The following WASL variants were observed in gnomAD, a reference collection of about 807,000 sequenced individuals.
WASL encodes actin nucleation-promoting factor WASL.
WASL carries 20 observed loss-of-function variants against 55.5 expected under a neutral mutation model. That is an observed-to-expected ratio of 0.36 (90% CI 0.25 to 0.52). The LOEUF (loss-of-function observed/expected upper bound fraction) is 0.52, where lower values mean the gene tolerates loss of function less well. WASL is among the 20% of genes least tolerant of loss of function. WASL has a pLI of 0.92. For synonymous variants in WASL, 249 were observed against 217.6 expected (o/e 1.14, Z -1.27); for missense variants, 504 against 622.5 (o/e 0.81, Z 2.03).
chr7:123,725,082 A>T (rs1254857924), intron 1 of WASL, among the ~76,000 whole-genome samples: 1 of 152,230 alleles, frequency 6.6e-6, no homozygotes, highest in Non-Finnish European at 1.5e-5. Flanking sequence ...ATTTTTAAAA[A>T]GAATGTACTT....
At chr7:123,725,067 C>T (rs1039842511) in intron 1 of WASL, among the ~76,000 whole-genome samples, 1 of 152,156 alleles carries the variant, frequency 6.6e-6, no homozygotes, top group Non-Finnish European at 1.5e-5. Context: ...CTAAAGTCAA[C>T]GTACATTTTT....
At chr7:123,687,246 T>C (rs757810024) in intron 10 of WASL, among the ~76,000 whole-genome samples, 4 of 152,118 alleles carry the variant, frequency 2.6e-5, no homozygotes, top group Non-Finnish European at 5.9e-5. Flanking sequence ...CAAGCCTCCA[T>C]CACCTCTTGC....
At chr7:123,696,806 C>A in intron 5 of WASL, 59 bp from the exon 6 acceptor site, 1 of 1,138,712 alleles carries the variant, frequency 8.8e-7, no homozygotes, top group Non-Finnish European at 1.2e-6. Flanking sequence ...GATATACAAT[C>A]ATAATTTACA....
At chr7:123,686,650 G>A (rs1286909639) in intron 10 of WASL, among the ~76,000 whole-genome samples, 1 of 151,956 alleles carries the variant, frequency 6.6e-6, no homozygotes, top group African/African-American at 2.4e-5. Flanking sequence ...TGCTTTTTCA[G>A]AATCATGTAG....
chr7:123,694,301 G>A (rs1350216709), intron 8 of WASL, among the ~76,000 whole-genome samples: 2 of 152,046 alleles, frequency 1.3e-5, no homozygotes, highest in African/African-American at 2.4e-5. Flanking sequence ...CAAGAAAAAG[G>A]ATTTGTATTT....
chr7:123,736,801 A>T (rs2896335), intron 1 of WASL, among the ~76,000 whole-genome samples: 113,872 of 152,166 alleles, frequency 0.75, 42,926 homozygotes, highest in South Asian at 0.83. Context: ...TCAATCTTCC[A>T]AAATTAATCT....
chr7:123,735,196 T>C (rs1056715811), intron 1 of WASL, among the ~76,000 whole-genome samples: 6 of 151,746 alleles, frequency 4.0e-5, no homozygotes, highest in Non-Finnish European at 5.9e-5. Context: ...AAATATTTAC[T>C]TAAGTATTAT....
At chr7:123,726,951 C>A in intron 1 of WASL, among the ~76,000 whole-genome samples, 1 of 151,946 alleles carries the variant, frequency 6.6e-6, no homozygotes, top group East Asian at 1.9e-4. Flanking sequence ...ATCTTGTGTC[C>A]AGAATATATA....
At chr7:123,691,249 C>CT (rs1291374905) in intron 9 of WASL, among the ~76,000 whole-genome samples, 1 of 152,112 alleles carries the variant, frequency 6.6e-6, no homozygotes, top group African/African-American at 2.4e-5. Context: ...CAGAAAAACT[C>CT]TATCATCCAT....
At chr7:123,723,707 G>A (rs1336833509) in intron 1 of WASL, among the ~76,000 whole-genome samples, 1 of 152,198 alleles carries the variant, frequency 6.6e-6, no homozygotes, top group Non-Finnish European at 1.5e-5. Context: ...TAAGGAAGGA[G>A]AGGCTTGGAG....
chr7:123,733,913 C>CAAAAAAAAA (rs33913069), intron 1 of WASL, among the ~76,000 whole-genome samples: 1 of 110,800 alleles, frequency 9.0e-6, no homozygotes, highest in Non-Finnish European at 1.8e-5. Flanking sequence ...ATCCACGTGC[C>CAAAAAAAAA]AAAAAAAAAA....
At chr7:123,685,741 T>G (rs1351892755) in intron 10 of WASL, among the ~76,000 whole-genome samples, 38 of 151,460 alleles carry the variant, frequency 2.5e-4, no homozygotes, top group Admixed American at 2.5e-3. Context: ...TATTTAGTTA[T>G]CAGATTTTAT....
intron 1 of WASL, among the ~76,000 whole-genome samples, chr7:123,739,578 C>T (rs907999396): frequency 9.2e-5 from 14 of 152,182 alleles, no homozygotes; most frequent in African/African-American, 3.1e-4. Context: ...CTTTGTGTTA[C>T]ATCAGGTTGC....
chr7:123,689,118 T>C lies in WASL; in HGVS notation c.1380A>G (p.Thr460=), dbSNP rs1483065886. 1 of 1,614,012 alleles carries C rather than the reference T, an allele frequency of 6.2e-7. No homozygotes were observed. Among genetic ancestry groups the C allele is most frequent in the South Asian group, 1.1e-5 (1 of 91,062 alleles). The change falls in exon 10 of 11, where the codon ACA becomes ACG. Residue 460 remains threonine (T), a synonymous_variant. Transcript: ENST00000223023. ...VADGQESTPP[T]PAPTSGIVGA... ...CCACAATTCCTGAAGTGGGTGCAGG[T>C]GTTGGTGGTGTAGACTCTTGGCCAT...
intron 1 of WASL, among the ~76,000 whole-genome samples, chr7:123,746,825 T>C (rs1330932385): frequency 3.9e-5 from 6 of 152,226 alleles, no homozygotes; most frequent in Non-Finnish European, 7.3e-5. Flanking sequence ...ACAATTAGTA[T>C]ACTTGTGTAT....
intron 1 of WASL, among the ~76,000 whole-genome samples, chr7:123,709,568 A>AG: frequency 6.6e-6 from 1 of 152,166 alleles, no homozygotes; most frequent in Admixed American, 6.6e-5. Flanking sequence ...CCGACACTAA[A>AG]GGGGTTAATT....
At chr7:123,707,250 G>A (rs1381629836) in intron 2 of WASL, among the ~76,000 whole-genome samples, 1 of 152,138 alleles carries the variant, frequency 6.6e-6, no homozygotes, top group African/African-American at 2.4e-5. Context: ...AAACACTGCA[G>A]GAATACTTTA....
At chr7:123,700,148 C>T (rs1440502548) in intron 5 of WASL, among the ~76,000 whole-genome samples, 1 of 119,132 alleles carries the variant, frequency 8.4e-6, no homozygotes, top group Non-Finnish European at 1.6e-5. Context: ...TGCACTCCAG[C>T]CTGGGCAACA....
In WASL at chr7:123,706,322, G is replaced by A; in HGVS notation, c.391C>T (p.Arg131Ter). 1.9e-6 allele frequency: 3 copies of A among 1,613,474 alleles called. No homozygotes were observed. The highest frequency in any genetic ancestry group is 2.5e-6 in the Non-Finnish European group (3 of 1,179,730). Residue 131 changes from arginine (R) to a stop codon, truncating the protein, a stop_gained, in exon 4 of 11, where the codon CGA (arginine) becomes TGA (stop). Transcript: ENST00000223023. LOFTEE classifies it high-confidence loss of function. ...CCCAAAAGGTCTGTAACTGCTTTTC[G>A]AAATTTTTTTGCTTCTTCTTCATTG... ...FANEEEAKKF[R>*]KAVTDLLGRR...
Sources: gnomAD v4.1 joint callset for allele counts (sites outside exome capture counted in the v4.1 genomes callset) on GRCh38, gnomAD v4.1.1 for gene constraint, MANE v1.5 for transcripts, NCBI Gene and HGNC (gene_info 2026-07-23, HGNC 2026-07-21) for gene names.